The following TEAD1 variants were observed in gnomAD, a reference collection of about 807,000 sequenced individuals.
The protein encoded by TEAD1 is transcriptional enhancer factor TEF-1.
TEAD1 carries 9 observed loss-of-function variants against 54.9 expected under a neutral mutation model. The observed-to-expected ratio is 0.16, with a 90% CI of 0.10 to 0.29. TEAD1 has a LOEUF of 0.29. TEAD1 is among the 10% of genes least tolerant of loss of function. The pLI is 1.00. For synonymous variants in TEAD1, 200 were observed against 187.8 expected, an observed-to-expected ratio of 1.07 and a Z score of -0.53; for missense variants, 387 against 535.9, an observed-to-expected ratio of 0.72 and a Z score of 2.74.
intron 9 of TEAD1, among the ~76,000 whole-genome samples, chr11:12,892,136 A>G (rs1454157867): frequency 6.6e-6 from 1 of 152,240 alleles, no homozygotes; most frequent in African/African-American, 2.4e-5. Context: ...ACGTGGGCCC[A>G]AGGATGATTT....
chr11:12,743,157 C>G (rs558609370), intron 2 of TEAD1, among the ~76,000 whole-genome samples: 2 of 152,222 alleles, frequency 1.3e-5, no homozygotes, highest in Non-Finnish European at 2.9e-5. Context: ...AAACTCTGAT[C>G]CACATACTAG....
chr11:12,710,837 G>T (rs1399423922), intron 2 of TEAD1, among the ~76,000 whole-genome samples: 1 of 152,142 alleles, frequency 6.6e-6, no homozygotes, highest in African/African-American at 2.4e-5. Flanking sequence ...AGCTCTTCAG[G>T]AGGAGGAATG....
At chr11:12,769,426 G>C (rs1397288626) in intron 3 of TEAD1, among the ~76,000 whole-genome samples, 1 of 152,172 alleles carries the variant, frequency 6.6e-6, no homozygotes, top group Non-Finnish European at 1.5e-5. Context: ...CAAGTAAGTG[G>C]GAGTATGTAT....
chr11:12,826,389 T>G (rs1946656248), intron 3 of TEAD1, among the ~76,000 whole-genome samples: 1 of 152,198 alleles, frequency 6.6e-6, no homozygotes, highest in African/African-American at 2.4e-5. Flanking sequence ...ACTTTGTACC[T>G]TGGATTACAC....
chr11:12,757,687 T>C (rs1043988729), intron 2 of TEAD1, among the ~76,000 whole-genome samples: 1 of 152,254 alleles, frequency 6.6e-6, no homozygotes, highest in Non-Finnish European at 1.5e-5. Flanking sequence ...AACACTTCCT[T>C]TTCTTGTGGA....
At chr11:12,769,223 C>T (rs1317629818) in intron 3 of TEAD1, among the ~76,000 whole-genome samples, 5 of 152,010 alleles carry the variant, frequency 3.3e-5, no homozygotes, top group Non-Finnish European at 2.9e-5. Flanking sequence ...TGAGGACCAG[C>T]GAAGATGAGG....
intron 3 of TEAD1, among the ~76,000 whole-genome samples, chr11:12,781,317 TAG>T (rs970307000): frequency 6.6e-6 from 1 of 151,926 alleles, no homozygotes; most frequent in Non-Finnish European, 1.5e-5. Flanking sequence ...AAAGTAAAAA[TAG>T]AGAAAATTCA....
chr11:12,825,234 C>T (rs1237127004), intron 3 of TEAD1, among the ~76,000 whole-genome samples: 1 of 152,076 alleles, frequency 6.6e-6, no homozygotes, highest in African/African-American at 2.4e-5. Flanking sequence ...TAAAATTGTA[C>T]TGCAGGTTCA....
chr11:12,785,914 G>T (rs1005292400), intron 3 of TEAD1, among the ~76,000 whole-genome samples: 1 of 152,108 alleles, frequency 6.6e-6, no homozygotes, highest in Non-Finnish European at 1.5e-5. Context: ...ACATACATTT[G>T]TCTCTTGCAC....
chr11:12,865,674 C>T (rs1278178202), intron 5 of TEAD1: 1 of 152,054 alleles, frequency 6.6e-6, no homozygotes, highest in Non-Finnish European at 1.5e-5. Flanking sequence ...AAAATGGGGG[C>T]ATTGATAATT....
intron 2 of TEAD1, among the ~76,000 whole-genome samples, chr11:12,677,413 T>TC (rs890706348): frequency 6.6e-6 from 1 of 151,808 alleles, no homozygotes; most frequent in African/African-American, 2.4e-5. Context: ...ATTTCCTCTC[T>TC]CCCCCCACTT....
intron 3 of TEAD1, among the ~76,000 whole-genome samples, chr11:12,846,011 A>T (rs577476845): frequency 3.2e-4 from 49 of 152,238 alleles, no homozygotes; most frequent in Non-Finnish European, 5.9e-4. Flanking sequence ...TTGATCTGCG[A>T]ATCAGGCCAC....
intron 2 of TEAD1, among the ~76,000 whole-genome samples, chr11:12,755,448 T>C (rs1040024081): frequency 6.6e-6 from 1 of 152,208 alleles, no homozygotes; most frequent in African/African-American, 2.4e-5. Context: ...TCTTTATTTT[T>C]AGTAAGCATT....
intron 5 of TEAD1, among the ~76,000 whole-genome samples, chr11:12,876,067 G>T (rs1280510163): frequency 1.3e-5 from 2 of 152,154 alleles, no homozygotes; most frequent in African/African-American, 4.8e-5. Flanking sequence ...TAGTCTTGGA[G>T]CAAGTTGGTG....
intron 3 of TEAD1, among the ~76,000 whole-genome samples, chr11:12,769,313 A>G (rs1409474015): frequency 2.0e-5 from 3 of 152,166 alleles, no homozygotes. Flanking sequence ...TTAGGATTGC[A>G]TCTTTCTTTA....
At position 12,764,508 on chromosome 11, in the gene TEAD1, TC is replaced by T. The variant is rs1945163330; in HGVS notation, c.202+76del. On this transcript the variant is annotated intron_variant, in intron 3 of 12. Transcript: ENST00000527636. ...GTAGGGGATAGATTGTAGCTGGTCT[TC>T]CAGCAAGAGCTGTTCATTGTATGGG... 7 of 1,544,146 alleles carry T rather than the reference TC, an allele frequency of 4.5e-6. No individual in the cohort carries two copies. The East Asian group carries it at 1.6e-4, about 35-fold the overall frequency.
chr11:12,815,410 G>T (rs1210824082), intron 3 of TEAD1, among the ~76,000 whole-genome samples: 3 of 152,134 alleles, frequency 2.0e-5, no homozygotes, highest in Non-Finnish European at 4.4e-5. Flanking sequence ...GTACTTGATT[G>T]TGGGTTATTT....
chr11:12,752,231 T>C (rs1406508025), intron 2 of TEAD1, among the ~76,000 whole-genome samples: 11 of 150,922 alleles, frequency 7.3e-5, no homozygotes, highest in Non-Finnish European at 1.6e-4. Context: ...TTTTTTTTTT[T>C]TTCATTTCTT....
intron 3 of TEAD1, among the ~76,000 whole-genome samples, chr11:12,838,949 C>T (rs978473159): frequency 1.6e-4 from 24 of 152,100 alleles, no homozygotes; most frequent in Admixed American, 8.5e-4. Flanking sequence ...AAATCTGTGC[C>T]GCTCAAACTG....
Sources: allele counts gnomAD v4.1 joint callset (sites outside exome capture counted in the v4.1 genomes callset), GRCh38; gene constraint gnomAD v4.1.1; transcripts MANE v1.5; gene names NCBI Gene and HGNC (gene_info 2026-07-23, HGNC 2026-07-21).